RAPGEF4: variants seen among roughly 807,000 people sequenced by gnomAD.
The protein encoded by RAPGEF4 is RAP guanine-nucleotide-exchange factor (GEF) 4.
A neutral mutation model predicts 147.9 loss-of-function variants in RAPGEF4; 66 were observed. The observed-to-expected ratio is 0.45, with a 90% CI of 0.37 to 0.55. The LOEUF (loss-of-function observed/expected upper bound fraction) is 0.55. Among genes scored for constraint, RAPGEF4 ranks in the 20% least tolerant of loss-of-function variants. The pLI, the probability that RAPGEF4 is intolerant of heterozygous loss-of-function variation, is 0.00. For synonymous variants in RAPGEF4, 419 were observed against 442.7 expected (o/e 0.95, Z 0.67); for missense variants, 1,071 against 1,257.3 (o/e 0.85, Z 2.24).
At chr2:172,761,505 G>C (rs1696337628) in intron 1 of RAPGEF4, among the ~76,000 whole-genome samples, 2 of 152,074 alleles carry the variant, frequency 1.3e-5, no homozygotes, top group Non-Finnish European at 1.5e-5. Flanking sequence ...TCTATACCCA[G>C]TGAAAATATC....
intron 3 of RAPGEF4, among the ~76,000 whole-genome samples, chr2:172,802,724 T>C (rs1056620413): frequency 6.6e-6 from 1 of 152,212 alleles, no homozygotes; most frequent in Non-Finnish European, 1.5e-5. Flanking sequence ...TCCAATGTCT[T>C]ATCTGAGACA....
At chr2:172,904,601 CA>C (rs1405582288) in intron 4 of RAPGEF4, among the ~76,000 whole-genome samples, 1 of 152,124 alleles carries the variant, frequency 6.6e-6, no homozygotes. Context: ...ATGAAAGGCA[CA>C]AATGGGTTGA....
chr2:172,882,057 G>T (rs1353406401), intron 4 of RAPGEF4, among the ~76,000 whole-genome samples: 1 of 152,168 alleles, frequency 6.6e-6, no homozygotes, highest in African/African-American at 2.4e-5. Flanking sequence ...GTGTGTTCAT[G>T]TTAACAGGGG....
chr2:172,837,237 T>C (rs1017435184), intron 4 of RAPGEF4, among the ~76,000 whole-genome samples: 1 of 152,212 alleles, frequency 6.6e-6, no homozygotes, highest in Non-Finnish European at 1.5e-5. Flanking sequence ...GTCATTATGC[T>C]AAGTAGCCAT....
At chr2:172,965,327 T>A (rs1173790200) in intron 8 of RAPGEF4, 3 of 548,448 alleles carry the variant, frequency 5.5e-6, no homozygotes, top group Non-Finnish European at 9.7e-6. Flanking sequence ...CAAGTTGTAA[T>A]GCTTTCATTT....
chr2:172,959,817 C>G (rs1275889761), intron 6 of RAPGEF4, among the ~76,000 whole-genome samples: 1 of 152,208 alleles, frequency 6.6e-6, no homozygotes, highest in Non-Finnish European at 1.5e-5. Flanking sequence ...AGGCCAGGTG[C>G]TGTGGCTCAT....
intron 19 of RAPGEF4, 28 bp downstream of exon 19, chr2:173,016,465 T>A: frequency 1.0e-5 from 16 of 1,547,882 alleles, no homozygotes; most frequent in Non-Finnish European, 1.4e-5. Context: ...TGTGGGGGTG[T>A]GCTTTCATCA....
intron 4 of RAPGEF4, among the ~76,000 whole-genome samples, chr2:172,865,613 T>C (rs1694547307): frequency 6.6e-6 from 1 of 152,146 alleles, no homozygotes; most frequent in South Asian, 2.1e-4. Context: ...TTCCTCTGTT[T>C]CTTCACCAGC....
intron 4 of RAPGEF4, among the ~76,000 whole-genome samples, chr2:172,827,363 G>T (rs1689781331): frequency 6.6e-6 from 1 of 151,980 alleles, no homozygotes; most frequent in South Asian, 2.1e-4. Context: ...CCCTTCTCCA[G>T]ACCTCACCTA....
At chr2:172,956,309 G>T (rs1688722212) in intron 6 of RAPGEF4, among the ~76,000 whole-genome samples, 1 of 152,092 alleles carries the variant, frequency 6.6e-6, no homozygotes, top group Non-Finnish European at 1.5e-5. Context: ...CTCCCCTGGT[G>T]CAACACTTCC....
Position 172,896,954 on chromosome 2 carries a change from G to A in RAPGEF4, c.445-20848G>A, listed in dbSNP as rs141369832. 2.5e-3 allele frequency among the ~76,000 whole-genome samples: 382 copies of A among 152,224 alleles called. 1 individual carries two copies. The highest frequency in any genetic ancestry group is 8.6e-3 in the African/African-American group (358 of 41,540). ...TTCTCTTGGCATGCAGTGTTCCTGT[G>A]CGGTGAGCGGCTTAGGGAGGGATGG... is the stretch of plus-strand genomic sequence containing the variant. On this transcript the variant is annotated intron_variant, in intron 4 of 30. Coordinates refer to ENST00000397081, the MANE Select transcript of RAPGEF4 (RefSeq NM_007023.4).
chr2:172,763,840 A>G (rs1696574425), intron 1 of RAPGEF4, among the ~76,000 whole-genome samples: 1 of 152,190 alleles, frequency 6.6e-6, no homozygotes, highest in African/African-American at 2.4e-5. Flanking sequence ...ATGTTGATGT[A>G]TGTTACAAAA....
intron 4 of RAPGEF4, among the ~76,000 whole-genome samples, chr2:172,869,483 G>T (rs1001704219): frequency 6.6e-6 from 1 of 152,126 alleles, no homozygotes; most frequent in African/African-American, 2.4e-5. Context: ...GGAGTTAATG[G>T]TAAATTTTGT....
intron 29 of RAPGEF4, among the ~76,000 whole-genome samples, chr2:173,047,532 T>A (rs1685628598): frequency 6.6e-6 from 1 of 152,224 alleles, no homozygotes; most frequent in Admixed American, 6.5e-5. Context: ...ATGTACTATA[T>A]GAATTCAAAT....
intron 1 of RAPGEF4, among the ~76,000 whole-genome samples, chr2:172,753,987 CAGG>C (rs1397499557): frequency 6.6e-6 from 1 of 152,108 alleles, no homozygotes; most frequent in Admixed American, 6.6e-5. Flanking sequence ...TTATCCTTCC[CAGG>C]AGGAAAGTGG....
At position 172,735,975 on chromosome 2, in the gene RAPGEF4, C is replaced by CTT; in HGVS notation, c.-9_-8insTT. 2 of 1,462,576 alleles carry CTT rather than the reference C, an allele frequency of 1.4e-6. No individual in the cohort carries two copies. Among genetic ancestry groups the CTT allele is most frequent in the Admixed American group, 2.5e-5 (1 of 40,674 alleles). 90.6% of individuals were successfully genotyped at this position (1,462,576 alleles called of 1,614,324 possible). A position where few individuals can be genotyped will look rare whatever the true frequency, so the allele number is the denominator to read the frequency against. On this transcript the variant is annotated 5_prime_UTR_variant, in exon 1 of 31. Coordinates refer to ENST00000397081, the MANE Select transcript of RAPGEF4 (RefSeq NM_007023.4). ...CCGCAGCCAGGGACACCGCGCGCCGCCGCTCAACATGGTCGCTGCGCACGC... is the reference window on the plus strand; with the variant it reads ...CCGCAGCCAGGGACACCGCGCGCCGCTTCGCTCAACATGGTCGCTGCGCACGC...
chr2:172,767,955 C>A (rs558157924), intron 1 of RAPGEF4, among the ~76,000 whole-genome samples: 6 of 152,008 alleles, frequency 3.9e-5, no homozygotes, highest in African/African-American at 1.5e-4. Flanking sequence ...GGATTACAGG[C>A]GCCTGCCACC....
At chr2:172,887,758 C>A (rs189529915) in intron 4 of RAPGEF4, among the ~76,000 whole-genome samples, 169 of 152,164 alleles carry the variant, frequency 1.1e-3, no homozygotes, top group Admixed American at 2.0e-3. Context: ...CGAACCTTTT[C>A]GTGCATCTGA....
At chr2:172,759,555 C>T (rs1000040869) in intron 1 of RAPGEF4, among the ~76,000 whole-genome samples, 6 of 152,168 alleles carry the variant, frequency 3.9e-5, no homozygotes, top group Admixed American at 2.6e-4. Context: ...ATGCGAGCCG[C>T]TGTGAAACTC....
Sources: allele counts gnomAD v4.1 joint callset (sites outside exome capture counted in the v4.1 genomes callset), GRCh38; gene constraint gnomAD v4.1.1; transcripts MANE v1.5; gene names NCBI Gene and HGNC (gene_info 2026-07-23, HGNC 2026-07-21).